FRMD3: variants seen among roughly 807,000 people sequenced by gnomAD.
The protein encoded by FRMD3 is FERM domain containing 3.
In FRMD3, 33 loss-of-function variants were observed where a neutral mutation model predicts 70.2. That is an observed-to-expected ratio of 0.47 (90% CI 0.36 to 0.63). The LOEUF (loss-of-function observed/expected upper bound fraction) is 0.63, where lower values mean the gene tolerates loss of function less well. FRMD3 is among the 20% of genes least tolerant of loss of function. The pLI is 0.00. For missense variants in FRMD3, 632 were observed against 711.4 expected (o/e 0.89, Z 1.27); for synonymous variants, 279 against 255.9 (o/e 1.09, Z -0.86).
Position 83,283,215 on chromosome 9 carries a change from C to G in FRMD3, c.1195+7388G>C, listed in dbSNP as rs181957637. ...ACCCTAGAGGAGTTGCTGACCCAAACTGTGATGCTGTCTTCAAGAATCCAA... is the reference window on the plus strand; with the variant it reads ...ACCCTAGAGGAGTTGCTGACCCAAAGTGTGATGCTGTCTTCAAGAATCCAA... On this transcript the variant is annotated intron_variant, in intron 13 of 13. Coordinates refer to ENST00000304195, the MANE Select transcript of FRMD3 (RefSeq NM_174938.6). Among the ~76,000 whole-genome samples the G allele has an allele frequency of 4.6e-5, 7 of 152,220 alleles. No homozygotes were observed. In the East Asian group the frequency reaches 1.4e-3, roughly 29 times the overall value.
At chr9:83,271,550 T>A (rs910815001) in intron 13 of FRMD3, among the ~76,000 whole-genome samples, 2 of 152,244 alleles carry the variant, frequency 1.3e-5, no homozygotes, top group African/African-American at 4.8e-5. Context: ...CAACCATTTG[T>A]ATAACTTAAT....
At position 83,247,891 on chromosome 9, in the gene FRMD3, A is replaced by G; in HGVS notation, c.*27T>C. The G allele has an allele frequency of 6.2e-7, 1 of 1,608,766 alleles. No homozygotes were observed. Among genetic ancestry groups the G allele is most frequent in the South Asian group, 1.1e-5 (1 of 90,564 alleles). Reference sequence around the variant, plus strand: ...AAAAGAAATCACTAGCATTGAATATAGCCCTTAGTCACGTGAGAGATTAAC... The same window carrying G: ...AAAAGAAATCACTAGCATTGAATATGGCCCTTAGTCACGTGAGAGATTAAC... On this transcript the variant is annotated 3_prime_UTR_variant, in exon 14 of 14. Coordinates refer to ENST00000304195, the MANE Select transcript of FRMD3 (RefSeq NM_174938.6).
At chr9:83,332,764 CCAACTGGAATCCTCT>C (rs1823432546) in intron 6 of FRMD3, among the ~76,000 whole-genome samples, 1 of 152,160 alleles carries the variant, frequency 6.6e-6, no homozygotes. Context: ...CCAACAAAAG[CCAACTGGAATCCTCT>C]CAGGAAGTCT....
rs1304594167 is a variant in FRMD3, at chr9:83,409,963, G to A, written c.148-20255C>T. Among the ~76,000 whole-genome samples, 5 of 152,266 alleles carry A rather than the reference G, an allele frequency of 3.3e-5. No individual in the cohort carries two copies. The South Asian group carries it at 8.3e-4, about 25-fold the overall frequency. On this transcript the variant is annotated intron_variant, in intron 1 of 13. Transcript: ENST00000304195. ...GTGTGAAACTGATGGACAGATACATGCATGCCCAGCCCTCAATGCCATTTC... is the reference window on the plus strand; with the variant it reads ...GTGTGAAACTGATGGACAGATACATACATGCCCAGCCCTCAATGCCATTTC...
intron 6 of FRMD3, chr9:83,331,991 C>G: frequency 1.5e-6 from 1 of 678,222 alleles, no homozygotes; most frequent in Non-Finnish European, 2.7e-6. Context: ...TTCCTTGTGG[C>G]TCAACATCTG....
In FRMD3 at chr9:83,401,773, G is replaced by A. The variant is rs182326857; in HGVS notation, c.148-12065C>T. 7.9e-5 allele frequency among the ~76,000 whole-genome samples: 12 copies of A among 152,190 alleles called. No homozygotes were observed. In the East Asian group the frequency reaches 1.2e-3, roughly 15 times the overall value. ...GCCTGGAAGTGACATGCATCACTTCGGTTTATTGGCCAAAATAAGATACAT... is the reference window on the plus strand; with the variant it reads ...GCCTGGAAGTGACATGCATCACTTCAGTTTATTGGCCAAAATAAGATACAT... On this transcript the variant is annotated intron_variant, in intron 1 of 13. Transcript: ENST00000304195.
At chr9:83,531,489 A>G (rs1293437309) in intron 1 of FRMD3, among the ~76,000 whole-genome samples, 1 of 152,234 alleles carries the variant, frequency 6.6e-6, no homozygotes, top group Non-Finnish European at 1.5e-5. Context: ...ATATAGGTCT[A>G]AAAACGTCAG....
intron 2 of FRMD3, among the ~76,000 whole-genome samples, chr9:83,375,392 A>C (rs1056490070): frequency 1.3e-5 from 2 of 152,126 alleles, no homozygotes; most frequent in Non-Finnish European, 2.9e-5. Context: ...CACACCCTAC[A>C]TTTGCCTTTC....
At chr9:83,335,899 T>C (rs1055142919) in intron 5 of FRMD3, among the ~76,000 whole-genome samples, 4 of 152,142 alleles carry the variant, frequency 2.6e-5, no homozygotes, top group Non-Finnish European at 2.9e-5. Context: ...TAAATTACTG[T>C]TTTTCAGTGG....
intron 1 of FRMD3, among the ~76,000 whole-genome samples, chr9:83,493,060 A>C (rs1828865736): frequency 6.6e-6 from 1 of 152,078 alleles, no homozygotes; most frequent in Non-Finnish European, 1.5e-5. Context: ...GGGGAGGAGA[A>C]GCACCCACTG....
intron 12 of FRMD3, among the ~76,000 whole-genome samples, chr9:83,295,275 T>C (rs1834614137): frequency 1.3e-5 from 2 of 152,174 alleles, no homozygotes; most frequent in African/African-American, 4.8e-5. Flanking sequence ...ACTGACATTA[T>C]GTAACTCAAC....
At chr9:83,316,650 A>T (rs1192323491) in intron 6 of FRMD3, among the ~76,000 whole-genome samples, 1 of 152,222 alleles carries the variant, frequency 6.6e-6, no homozygotes, top group Admixed American at 6.5e-5. Context: ...CCCAATCAGT[A>T]CTTGTGGGCA....
chr9:83,320,255 A>G (rs1027544220), intron 6 of FRMD3, among the ~76,000 whole-genome samples: 7 of 152,092 alleles, frequency 4.6e-5, no homozygotes, highest in African/African-American at 1.7e-4. Flanking sequence ...AATGCTTTGA[A>G]CTTTATCCTG....
chr9:83,526,133 C>T (rs1829679358), intron 1 of FRMD3, among the ~76,000 whole-genome samples: 1 of 152,220 alleles, frequency 6.6e-6, no homozygotes, highest in Non-Finnish European at 1.5e-5. Flanking sequence ...CCCCAACCTG[C>T]TTCTCCTCTA....
chr9:83,317,389 C>T (rs537182293), intron 6 of FRMD3, among the ~76,000 whole-genome samples: 2 of 152,122 alleles, frequency 1.3e-5, no homozygotes, highest in Non-Finnish European at 2.9e-5. Flanking sequence ...CAAAGCAGCC[C>T]TGTGCCTCCC....
chr9:83,438,822 C>T (rs1304632168), intron 1 of FRMD3, among the ~76,000 whole-genome samples: 1 of 152,232 alleles, frequency 6.6e-6, no homozygotes, highest in Non-Finnish European at 1.5e-5. Flanking sequence ...TGTGTGTGTT[C>T]TGTGCGTCCT....
intron 10 of FRMD3, among the ~76,000 whole-genome samples, chr9:83,304,251 T>C (rs1835036166): frequency 6.6e-6 from 1 of 152,144 alleles, no homozygotes; most frequent in South Asian, 2.1e-4. Flanking sequence ...GGGTCTGGGG[T>C]AGGATGCAGG....
At chr9:83,571,503 G>A in the FRMD3 span, among the ~76,000 whole-genome samples, 1 of 152,346 alleles carries the variant, frequency 6.6e-6, no homozygotes, top group Non-Finnish European at 1.5e-5. Flanking sequence ...GAGCAAGCCT[G>A]TGAAGGAGAT....
intron 1 of FRMD3, among the ~76,000 whole-genome samples, chr9:83,421,435 T>TATTA (rs1826640670): frequency 6.6e-6 from 1 of 152,124 alleles, no homozygotes; most frequent in Admixed American, 6.5e-5. Flanking sequence ...AAACAGGCAT[T>TATTA]ATTAGCCTTA....
Sources: gnomAD v4.1 joint callset for allele counts (sites outside exome capture counted in the v4.1 genomes callset) on GRCh38, gnomAD v4.1.1 for gene constraint, MANE v1.5 for transcripts, NCBI Gene and HGNC (gene_info 2026-07-23, HGNC 2026-07-21) for gene names.